The following MAGEB1 variants were observed in gnomAD, a reference collection of about 807,000 sequenced individuals.
The protein encoded by MAGEB1 is melanoma-associated antigen B1.
For missense variants in MAGEB1, 290 were observed against 286.7 expected, an observed-to-expected ratio of 1.01 and a Z score of -0.08; for synonymous variants, 99 against 105.7, an observed-to-expected ratio of 0.94 and a Z score of 0.39.
chrX:30,248,854 A>C (rs1227081571), intron 1 of MAGEB1, among the ~76,000 whole-genome samples: 2 of 112,055 alleles, frequency 1.8e-5, no homozygotes, highest in Admixed American at 1.9e-4. Context: ...CCTGATTTTC[A>C]TCCTTGGGAG....
Position 30,250,484 on chromosome X carries a change from C to G in MAGEB1, c.-10C>G. 3 of 1,170,817 alleles carry G rather than the reference C, an allele frequency of 2.6e-6. No homozygotes were observed. The highest frequency in any genetic ancestry group is 3.4e-6 in the Non-Finnish European group (3 of 874,593). ...CACTTTCCTGCCTGTTTTGCCTGACCACAGCCATCATGCCTCGGGGTCAGA... is the reference window on the plus strand; with the variant it reads ...CACTTTCCTGCCTGTTTTGCCTGACGACAGCCATCATGCCTCGGGGTCAGA... On this transcript the variant is annotated 5_prime_UTR_variant, in exon 2 of 2. Coordinates refer to ENST00000397548, the MANE Select transcript of MAGEB1 (RefSeq NM_177404.3).
In MAGEB1 at chrX:30,250,456, G is replaced by A. The variant is rs368461778; in HGVS notation, c.-38G>A. The A allele has an allele frequency of 9.1e-7, 1 of 1,102,143 alleles. No homozygotes were observed. Among genetic ancestry groups the A allele is most frequent in the African/African-American group, 1.8e-5 (1 of 54,323 alleles). The allele number at this position is 1,102,143 out of a possible 1,213,427, so 90.8% of individuals were successfully genotyped here. ...CAGGTGCCACATCTCCTGCCTTTCT[G>A]CTCACTTTCCTGCCTGTTTTGCCTG... is the stretch of plus-strand genomic sequence containing the variant. On this transcript the variant is annotated 5_prime_UTR_variant, in exon 2 of 2. Coordinates refer to ENST00000397548, the MANE Select transcript of MAGEB1 (RefSeq NM_177404.3).
At chrX:30,244,998 T>C (rs1601965937), upstream of MAGEB1, among the ~76,000 whole-genome samples, 2 of 111,922 alleles carry the variant, frequency 1.8e-5, no homozygotes, top group South Asian at 7.5e-4. Context: ...TTAAAAGGAA[T>C]TTTTTTTCCT....
At chrX:30,246,737 G>T (rs886904038), upstream of MAGEB1, among the ~76,000 whole-genome samples, 1 of 112,217 alleles carries the variant, frequency 8.9e-6, no homozygotes, top group African/African-American at 3.2e-5. Context: ...TCTCATTTCC[G>T]CCTGGAAGGT....
chrX:30,245,035 G>T (rs1281481519), upstream of MAGEB1, among the ~76,000 whole-genome samples: 1 of 111,580 alleles, frequency 9.0e-6, no homozygotes, highest in Non-Finnish European at 1.9e-5. Context: ...AATTCTAAGG[G>T]AGATCTAGAT....
Position 30,247,664 on chromosome X carries a change from A to G in MAGEB1, c.-61+408A>G, listed in dbSNP as rs191012166. ...CTTATAGACTCAGGTCAATAGAGGGAGGAGTCCTAAACCCTACTACCCGTA... is the reference window on the plus strand; with the variant it reads ...CTTATAGACTCAGGTCAATAGAGGGGGGAGTCCTAAACCCTACTACCCGTA... On this transcript the variant is annotated intron_variant, in intron 1 of 1. Transcript: ENST00000397548. Among the ~76,000 whole-genome samples the G allele has an allele frequency of 2.5e-3, 282 of 112,186 alleles. 3 individuals are homozygous for G. Among genetic ancestry groups the G allele is most frequent in the African/African-American group, 8.6e-3 (266 of 30,924 alleles).
chrX:30,250,413 A>C, intron 1 of MAGEB1, 21 bp from the exon 2 acceptor site: 2 of 837,820 alleles, frequency 2.4e-6, no homozygotes, highest in Non-Finnish European at 3.3e-6. Context: ...TACTCACAGG[A>C]TCTCATTCTC....
Position 30,250,437 on chromosome X carries a change from C to A in MAGEB1, c.-57C>A. ...GATCTCATTCTCTCTCCTTCAGGTG[C>A]CACATCTCCTGCCTTTCTGCTCACT... On this transcript the variant is annotated 5_prime_UTR_variant, in exon 2 of 2. Coordinates refer to ENST00000397548, the MANE Select transcript of MAGEB1 (RefSeq NM_177404.3). 1.0e-6 allele frequency: 1 copy of A among 989,014 alleles called. No individual in the cohort carries two copies. Among genetic ancestry groups the A allele is most frequent in the Non-Finnish European group, 1.4e-6 (1 of 728,818 alleles). The allele number at this position is 989,014 out of a possible 1,213,427, so 81.5% of individuals were successfully genotyped here.
At chrX:30,245,957 A>C (rs1479076518), upstream of MAGEB1, among the ~76,000 whole-genome samples, 2 of 111,833 alleles carry the variant, frequency 1.8e-5, no homozygotes, top group African/African-American at 6.5e-5. Flanking sequence ...TCCCAACATC[A>C]CATCACTTCT....
At chrX:30,249,138 A>G (rs1925421771) in intron 1 of MAGEB1, among the ~76,000 whole-genome samples, 1 of 111,723 alleles carries the variant, frequency 9.0e-6, no homozygotes, top group Non-Finnish European at 1.9e-5. Context: ...AGCCTGGAAG[A>G]ATCAAGTGGG....
chrX:30,250,843 A>G lies in MAGEB1; in HGVS notation c.350A>G (p.His117Arg), dbSNP rs1195435395. 2 of 1,211,082 alleles carry G rather than the reference A, an allele frequency of 1.7e-6. No individual in the cohort carries two copies. Among genetic ancestry groups the G allele is most frequent in the Non-Finnish European group, 2.2e-6 (2 of 894,550 alleles). Residue 117 changes from histidine (H) to arginine (R), a missense_variant, in exon 2 of 2, where the codon CAC becomes CGC. By Grantham distance (29) the His-to-Arg change is conservative. Transcript: ENST00000397548. ...GCCTGGGAGGCAGGAATGCTGATGC[A>G]CTTCATTCTACGTAAGTATAAAATG... ...PVAWEAGMLM[H>R]FILRKYKMRE...
intron 1 of MAGEB1, 102 bp from the exon 2 acceptor site, chrX:30,250,332 A>G: frequency 2.1e-6 from 1 of 469,855 alleles, no homozygotes; most frequent in South Asian, 4.1e-5. Flanking sequence ...GTGGGTTCCT[A>G]GAGCAATGCC....
At chrX:30,247,657 T>C (rs769074521) in intron 1 of MAGEB1, among the ~76,000 whole-genome samples, 1 of 111,918 alleles carries the variant, frequency 8.9e-6, no homozygotes, top group South Asian at 3.7e-4. Context: ...CTCAGGTCAA[T>C]AGAGGGAGGA....
chrX:30,246,880 C>T (rs1925323251), upstream of MAGEB1, among the ~76,000 whole-genome samples: 2 of 112,245 alleles, frequency 1.8e-5, no homozygotes, highest in Admixed American at 1.9e-4. Flanking sequence ...TTCACAGAGC[C>T]CTGCCGCTGC....
At chrX:30,247,974 C>T (rs939062886) in intron 1 of MAGEB1, among the ~76,000 whole-genome samples, 1 of 71,799 alleles carries the variant, frequency 1.4e-5, no homozygotes, top group Non-Finnish European at 3.0e-5. Flanking sequence ...AAAAAAGTCC[C>T]GCTCCTGCTG....
chrX:30,251,103 C>G lies in MAGEB1; in HGVS notation c.610C>G (p.Leu204Val). 2 of 1,210,464 alleles carry G rather than the reference C, an allele frequency of 1.7e-6. No individual in the cohort carries two copies. Among genetic ancestry groups the G allele is most frequent in the Non-Finnish European group, 2.2e-6 (2 of 894,680 alleles). ...TCCCAGGAATGGGCTTCTGATGCCT[C>G]TCCTGGGTGTGATCTTCTTAAAGGG... ...DFPRNGLLMP[L>V]LGVIFLKGNS... The change falls in exon 2 of 2, where the codon CTC (leucine) becomes GTC (valine). Residue 204 changes from leucine (L) to valine (V), a missense_variant. Physicochemically the swap from Leu to Val is conservative, Grantham distance 32 (BLOSUM62 1). Coordinates refer to ENST00000397548, the MANE Select transcript of MAGEB1 (RefSeq NM_177404.3).
At chrX:30,250,338 A>G (rs1001350459) in intron 1 of MAGEB1, 96 bp from the exon 2 acceptor site, 11 of 478,908 alleles carry the variant, frequency 2.3e-5, no homozygotes, top group African/African-American at 1.5e-4. Context: ...TCCTAGAGCA[A>G]TGCCCTCAAG....
chrX:30,247,096 G>C (rs17282844), upstream of MAGEB1: 24,786 of 109,549 alleles, frequency 0.23, 2,742 homozygotes, highest in Non-Finnish European at 0.33. Flanking sequence ...GTCCAGAAGC[G>C]TACCACCCCT....
Position 30,250,971 on chromosome X carries a change from G to A in MAGEB1, c.478G>A (p.Val160Ile), listed in dbSNP as rs745591739. ...LNGASRRLEL[V>I]FGLDLKEDNP... ...TGGAGCCTCTCGCCGCTTGGAGCTC[G>A]TCTTTGGCCTTGATTTGAAGGAAGA... The change falls in exon 2 of 2, where the codon GTC (valine) becomes ATC (isoleucine). Residue 160 changes from valine (V) to isoleucine (I), a missense_variant. Val to Ile is a conservative substitution (Grantham distance 29). Coordinates refer to ENST00000397548, the MANE Select transcript of MAGEB1 (RefSeq NM_177404.3). 3.5e-5 allele frequency: 42 copies of A among 1,210,017 alleles called. No individual in the cohort carries two copies. The highest frequency in any genetic ancestry group is 1.0e-4 in the African/African-American group (6 of 57,293).
Sources: allele counts gnomAD v4.1 joint callset (sites outside exome capture counted in the v4.1 genomes callset), GRCh38; gene constraint gnomAD v4.1.1; transcripts MANE v1.5; gene names NCBI Gene and HGNC (gene_info 2026-07-23, HGNC 2026-07-21).